AK5: variants seen among roughly 807,000 people sequenced by gnomAD.
AK5 encodes adenylate kinase 5, also known as adenylate kinase isoenzyme 5.
A neutral mutation model predicts 69.5 loss-of-function variants in AK5; 27 were observed. That is an observed-to-expected ratio of 0.39 (90% CI 0.29 to 0.54). The LOEUF (loss-of-function observed/expected upper bound fraction) is 0.54, where lower values mean the gene tolerates loss of function less well. AK5 is among the 20% of genes least tolerant of loss of function. The pLI is 0.71. For synonymous variants in AK5, 260 were observed against 244.4 expected, an observed-to-expected ratio of 1.06 and a Z score of -0.60; for missense variants, 531 against 700.4, an observed-to-expected ratio of 0.76 and a Z score of 2.73.
intron 6 of AK5, among the ~76,000 whole-genome samples, chr1:77,388,679 C>T (rs537673985): frequency 6.6e-6 from 1 of 150,964 alleles, no homozygotes; most frequent in East Asian, 1.9e-4. Context: ...TTATCAGCTA[C>T]ATAAAGCCTG....
chr1:77,310,570 A>T (rs1449840881), intron 5 of AK5, among the ~76,000 whole-genome samples: 3 of 151,780 alleles, frequency 2.0e-5, no homozygotes, highest in Admixed American at 6.6e-5. Context: ...TTTAGTAGAG[A>T]CGGGGTTTCA....
intron 11 of AK5, 56 bp from the exon 12 acceptor site, chr1:77,521,771 T>C: frequency 7.6e-7 from 1 of 1,317,344 alleles, no homozygotes; most frequent in East Asian, 2.3e-5. Context: ...AGACTTGGGG[T>C]ACTTCTAGTG....
chr1:77,291,035 C>A (rs1325968901), intron 2 of AK5, among the ~76,000 whole-genome samples: 1 of 152,100 alleles, frequency 6.6e-6, no homozygotes, highest in Non-Finnish European at 1.5e-5. Flanking sequence ...ATACTTGGAG[C>A]AGAAAGCTAA....
chr1:77,455,485 A>G (rs1401338965), intron 8 of AK5, among the ~76,000 whole-genome samples: 1 of 152,160 alleles, frequency 6.6e-6, no homozygotes, highest in African/African-American at 2.4e-5. Context: ...TAATTCCTCA[A>G]TATAAGTTTT....
intron 8 of AK5, among the ~76,000 whole-genome samples, chr1:77,471,915 G>C (rs183737526): frequency 6.6e-6 from 1 of 152,294 alleles, no homozygotes. Flanking sequence ...TGCTGAACTG[G>C]AGTTCTCCAA....
chr1:77,354,530 T>C (rs1489971980), intron 6 of AK5, among the ~76,000 whole-genome samples: 1 of 152,228 alleles, frequency 6.6e-6, no homozygotes, highest in African/African-American at 2.4e-5. Flanking sequence ...TGCCAGACTG[T>C]AGTGGGTGCT....
chr1:77,491,304 A>ATTTTTTTTTTT (rs10700619), intron 10 of AK5, among the ~76,000 whole-genome samples: 50 of 87,364 alleles, frequency 5.7e-4, no homozygotes, highest in Middle Eastern at 8.3e-3. Flanking sequence ...CATGAATTGA[A>ATTTTTTTTTTT]TTTTTTTTTT....
chr1:77,376,451 C>CCAAAAAAAAAAAAA (rs1647251227), intron 6 of AK5, among the ~76,000 whole-genome samples: 1 of 41,036 alleles, frequency 2.4e-5, no homozygotes, highest in African/African-American at 9.0e-5. Context: ...AAAAAAAAAA[C>CCAAAAAAAAAAAAA]AAAAAAAAAA....
intron 1 of AK5, 47 bp downstream of exon 1, chr1:77,282,420 C>T (rs1658111205): frequency 1.3e-6 from 2 of 1,524,918 alleles, no homozygotes; most frequent in Non-Finnish European, 1.8e-6. Flanking sequence ...GGGACTGCAT[C>T]TCAGGGGTTC....
At chr1:77,442,257 G>A (rs72681660) in intron 8 of AK5, among the ~76,000 whole-genome samples, 14,330 of 152,150 alleles carry the variant, frequency 0.094, 774 homozygotes, top group Middle Eastern at 0.17. Flanking sequence ...ATGGCTACTC[G>A]CACCCAGAGC....
intron 5 of AK5, among the ~76,000 whole-genome samples, chr1:77,339,607 C>T (rs568019777): frequency 6.6e-6 from 1 of 150,638 alleles, no homozygotes; most frequent in East Asian, 2.0e-4. Context: ...ATGGAGATAA[C>T]ATTTACCTTG....
At chr1:77,397,830 A>T (rs1648933469) in intron 6 of AK5, among the ~76,000 whole-genome samples, 1 of 152,334 alleles carries the variant, frequency 6.6e-6, no homozygotes, top group Admixed American at 6.5e-5. Context: ...TGGGCCCAGA[A>T]GTTAGAGACT....
intron 5 of AK5, among the ~76,000 whole-genome samples, chr1:77,312,077 TA>T (rs1268043161): frequency 6.6e-6 from 1 of 152,104 alleles, no homozygotes; most frequent in Non-Finnish European, 1.5e-5. Flanking sequence ...AGTTCCAAAA[TA>T]AGTCCATGGT....
chr1:77,295,490 G>A (rs12079185), intron 3 of AK5, among the ~76,000 whole-genome samples: 15,362 of 152,116 alleles, frequency 0.1, 971 homozygotes, highest in East Asian at 0.2. Flanking sequence ...TATGGTAGCC[G>A]CTGTTACGCC....
intron 6 of AK5, among the ~76,000 whole-genome samples, chr1:77,394,214 C>CA (rs199934840): frequency 0.24 from 30,089 of 124,274 alleles, 3,269 homozygotes; most frequent in East Asian, 0.42. Flanking sequence ...GACTCCATCT[C>CA]AAAAAAAAAA....
Position 77,558,812 on chromosome 1 carries a change from C to A in AK5, c.*142C>A. The stretch of plus-strand genomic sequence containing the variant: ...TAAATCCTGACAGCACTGTTTGCTT[C>A]CCAGCTAGACCTGTGTGAGAGGTGT... On this transcript the variant is annotated 3_prime_UTR_variant, in exon 14 of 14. Transcript: ENST00000354567. The A allele has an allele frequency of 1.6e-6, 1 of 632,994 alleles. No individual in the cohort carries two copies. 39.2% of individuals were successfully genotyped at this position (632,994 alleles called of 1,614,324 possible).
At chr1:77,395,523 G>A (rs1455728824) in intron 6 of AK5, among the ~76,000 whole-genome samples, 1 of 152,210 alleles carries the variant, frequency 6.6e-6, no homozygotes, top group Non-Finnish European at 1.5e-5. Flanking sequence ...CATGCCCATG[G>A]TTGCAGAGGT....
chr1:77,442,990 A>G (rs1570136606), intron 8 of AK5, among the ~76,000 whole-genome samples: 1 of 151,874 alleles, frequency 6.6e-6, no homozygotes, highest in Non-Finnish European at 1.5e-5. Context: ...CTCTGTCTCC[A>G]TTTTTCAAGG....
intron 8 of AK5, among the ~76,000 whole-genome samples, chr1:77,459,083 G>A: frequency 6.6e-6 from 1 of 152,168 alleles, no homozygotes; most frequent in East Asian, 1.9e-4. Flanking sequence ...GATTCCCTCA[G>A]AGGTCCTGGG....
Sources: allele counts gnomAD v4.1 joint callset (sites outside exome capture counted in the v4.1 genomes callset), GRCh38; gene constraint gnomAD v4.1.1; transcripts MANE v1.5; gene names NCBI Gene and HGNC (gene_info 2026-07-23, HGNC 2026-07-21).